NXPH1: variants seen among roughly 807,000 people sequenced by gnomAD.
NXPH1 encodes neurexophilin 1, also known as neurexophilin-1.
Under a neutral mutation model 23.7 loss-of-function variants are expected in NXPH1, and 5 were observed. The ratio of observed to expected loss-of-function variants is 0.21; its 90% CI spans 0.11 to 0.44. The LOEUF is 0.44. Ranked by LOEUF, NXPH1 falls within the 20% of genes least tolerant of loss-of-function variation. The probability of loss-of-function intolerance (pLI) is 0.99; values close to 1 mark genes in which losing one functional copy is unlikely to be tolerated. For missense variants in NXPH1, 324 were observed against 321.6 expected, an observed-to-expected ratio of 1.01 and a Z score of -0.06; for synonymous variants, 144 against 122.2, an observed-to-expected ratio of 1.18 and a Z score of -1.18.
chr7:8,628,176 C>T (rs1175713145), intron 2 of NXPH1, among the ~76,000 whole-genome samples: 1 of 152,058 alleles, frequency 6.6e-6, no homozygotes, highest in Non-Finnish European at 1.5e-5. Context: ...ATGTGGATTA[C>T]TTAGTAACTA....
At chr7:8,739,188 A>AC (rs1409163470) in intron 2 of NXPH1, among the ~76,000 whole-genome samples, 169 of 150,274 alleles carry the variant, frequency 1.1e-3, no homozygotes, top group African/African-American at 4.0e-3. Context: ...AAAAAAAAAA[A>AC]AAAAAAAAAA....
At chr7:8,718,072 T>C (rs1033200564) in intron 2 of NXPH1, among the ~76,000 whole-genome samples, 1 of 152,146 alleles carries the variant, frequency 6.6e-6, no homozygotes, top group Non-Finnish European at 1.5e-5. Context: ...TAGTTGCTTA[T>C]AATATTCCTT....
At chr7:8,508,150 A>G (rs541877445) in intron 2 of NXPH1, among the ~76,000 whole-genome samples, 2 of 152,104 alleles carry the variant, frequency 1.3e-5, no homozygotes, top group Non-Finnish European at 2.9e-5. Context: ...GATAATTGCA[A>G]TTTAGCTTTT....
At chr7:8,469,184 G>A (rs939673728) in intron 2 of NXPH1, among the ~76,000 whole-genome samples, 6 of 151,966 alleles carry the variant, frequency 3.9e-5, no homozygotes, top group Non-Finnish European at 8.8e-5. Flanking sequence ...TTTTAAAAAA[G>A]TACCATTATA....
At chr7:8,565,108 G>T (rs1359505358) in intron 2 of NXPH1, among the ~76,000 whole-genome samples, 2 of 151,742 alleles carry the variant, frequency 1.3e-5, no homozygotes, top group Non-Finnish European at 2.9e-5. Flanking sequence ...CAAATCAGAT[G>T]TGGCCCTGTG....
At chr7:8,552,070 T>C (rs898831143) in intron 2 of NXPH1, among the ~76,000 whole-genome samples, 2 of 128,138 alleles carry the variant, frequency 1.6e-5, no homozygotes, top group African/African-American at 6.7e-5. Context: ...CTAAGAACAA[T>C]AATTCTATTT....
intron 2 of NXPH1, among the ~76,000 whole-genome samples, chr7:8,588,602 C>A (rs554942483): frequency 6.6e-6 from 1 of 152,122 alleles, no homozygotes; most frequent in African/African-American, 2.4e-5. Flanking sequence ...GGTACTGACT[C>A]TTTTTCATTA....
intron 2 of NXPH1, among the ~76,000 whole-genome samples, chr7:8,474,481 C>T (rs1816933844): frequency 6.6e-6 from 1 of 152,070 alleles, no homozygotes; most frequent in African/African-American, 2.4e-5. Context: ...ATACATCTTT[C>T]TGTCTTCTTG....
chr7:8,469,305 G>A (rs957466961), intron 2 of NXPH1, among the ~76,000 whole-genome samples: 4 of 151,702 alleles, frequency 2.6e-5, no homozygotes, highest in African/African-American at 9.7e-5. Flanking sequence ...GTGACCCATG[G>A]ACTTTCTGTG....
intron 2 of NXPH1, among the ~76,000 whole-genome samples, chr7:8,710,816 C>T (rs1300843465): frequency 1.5e-5 from 2 of 137,516 alleles, no homozygotes; most frequent in Non-Finnish European, 3.0e-5. Context: ...GCGCCCGCCA[C>T]CGCGCCCGGC....
At chr7:8,511,788 T>A (rs1449277937) in intron 2 of NXPH1, among the ~76,000 whole-genome samples, 1 of 152,172 alleles carries the variant, frequency 6.6e-6, no homozygotes, top group Non-Finnish European at 1.5e-5. Flanking sequence ...ACAGCAAGTT[T>A]GTAGACCCTA....
chr7:8,706,614 C>G (rs1444146185), intron 2 of NXPH1, among the ~76,000 whole-genome samples: 1 of 152,186 alleles, frequency 6.6e-6, no homozygotes, highest in South Asian at 2.1e-4. Flanking sequence ...GTCAGTTGGC[C>G]TCTCTCCTCA....
chr7:8,488,586 G>T (rs900810334), intron 2 of NXPH1, among the ~76,000 whole-genome samples: 2 of 152,022 alleles, frequency 1.3e-5, no homozygotes, highest in Non-Finnish European at 2.9e-5. Flanking sequence ...ATTTTATTTT[G>T]TGCCTTTTAT....
chr7:8,592,397 G>A (rs1019161248), intron 2 of NXPH1, among the ~76,000 whole-genome samples: 3 of 151,970 alleles, frequency 2.0e-5, no homozygotes, highest in Non-Finnish European at 4.4e-5. Context: ...AGTTTAAACC[G>A]TGCCCATATT....
chr7:8,516,248 C>T (rs1326087810), intron 2 of NXPH1, among the ~76,000 whole-genome samples: 1 of 152,048 alleles, frequency 6.6e-6, no homozygotes, highest in Non-Finnish European at 1.5e-5. Context: ...CTCTTTCCTC[C>T]CGCCTCCGCA....
intron 2 of NXPH1, among the ~76,000 whole-genome samples, chr7:8,527,758 T>C (rs1020385267): frequency 3.3e-5 from 5 of 152,198 alleles, no homozygotes; most frequent in African/African-American, 9.6e-5. Context: ...ATGAAATTGT[T>C]TGACAGACAT....
chr7:8,585,198 T>C (rs1194764103), intron 2 of NXPH1, among the ~76,000 whole-genome samples: 2 of 152,216 alleles, frequency 1.3e-5, no homozygotes, highest in Admixed American at 6.5e-5. Flanking sequence ...CTTATAATTC[T>C]TTCTTCTGTG....
Position 8,709,026 on chromosome 7 carries a change from A to T in NXPH1, c.55-41982A>T, listed in dbSNP as rs551544507. The stretch of plus-strand genomic sequence containing the variant: ...GACCAAATAGTGTCCTTTTTATGAG[A>T]TTCCTCATAAAATTGGCTTATGATA... On this transcript the variant is annotated intron_variant, in intron 2 of 2. Transcript: ENST00000405863. 1.5e-4 allele frequency among the ~76,000 whole-genome samples: 23 copies of T among 152,304 alleles called. No individual in the cohort carries two copies. In the South Asian group the frequency reaches 3.1e-3, roughly 21 times the overall value.
At chr7:8,443,982 C>A (rs750281043) in intron 2 of NXPH1, among the ~76,000 whole-genome samples, 1 of 152,212 alleles carries the variant, frequency 6.6e-6, no homozygotes, top group Non-Finnish European at 1.5e-5. Flanking sequence ...CGCCCTAGAG[C>A]AGACACTGCG....
Sources: gnomAD v4.1 joint callset for allele counts (sites outside exome capture counted in the v4.1 genomes callset) on GRCh38, gnomAD v4.1.1 for gene constraint, MANE v1.5 for transcripts, NCBI Gene and HGNC (gene_info 2026-07-23, HGNC 2026-07-21) for gene names.